The following RP1 variants were observed in gnomAD, a reference collection of about 807,000 sequenced individuals.
RP1 encodes oxygen-regulated protein 1.
Under a neutral mutation model 14.8 loss-of-function variants are expected in RP1, and 16 were observed. That is an observed-to-expected ratio of 1.08 (90% CI 0.73 to 1.65). The LOEUF is 1.65. Among genes scored for constraint, RP1 ranks in the 40% most tolerant of loss-of-function variants. The pLI, the probability that RP1 is intolerant of heterozygous loss-of-function variation, is 0.00. For missense variants in RP1, 2,631 were observed against 2,535.0 expected (o/e 1.04, Z -0.81); for synonymous variants, 876 against 883.6 (o/e 0.99, Z 0.15).
At chr8:54,835,185 A>T (rs906599806) in intron 24 of RP1, among the ~76,000 whole-genome samples, 1 of 152,152 alleles carries the variant, frequency 6.6e-6, no homozygotes, top group Non-Finnish European at 1.5e-5. Context: ...ATTTCTAGGC[A>T]TATTACATTT....
chr8:54,748,857 T>A (rs1274357557), intron 19 of RP1, among the ~76,000 whole-genome samples: 1 of 152,210 alleles, frequency 6.6e-6, no homozygotes, highest in Non-Finnish European at 1.5e-5. Context: ...TTTTTTGTTT[T>A]ATAGAACAAA....
At chr8:54,837,784 T>A in intron 25 of RP1, 4 of 518,706 alleles carry the variant, frequency 7.7e-6, no homozygotes, top group Non-Finnish European at 1.2e-5. Flanking sequence ...TATCTCACAC[T>A]TCGTGGGCTA....
At position 54,629,843 on chromosome 8, in the gene RP1, T is replaced by C; in HGVS notation, c.5961T>C (p.Asp1987=). The change falls in exon 4 of 4, where the codon GAT becomes GAC. Residue 1987 remains aspartate, a synonymous_variant. Transcript: ENST00000220676. ...ATCTTATTGATAATGCCATTGGTGA[T>C]ATATTTGATCAGTTTTATTTCAGTA... ...RQNLIDNAIG[D]IFDQFYFSNT... 1.9e-6 allele frequency: 3 copies of C among 1,613,626 alleles called. No homozygotes were observed. The South Asian group carries it at 3.3e-5, about 18-fold the overall frequency.
At chr8:54,828,647 A>C (rs547785014) in intron 24 of RP1, among the ~76,000 whole-genome samples, 1 of 152,066 alleles carries the variant, frequency 6.6e-6, no homozygotes, top group Non-Finnish European at 1.5e-5. Flanking sequence ...CTTTATAACA[A>C]CACCAACAGA....
intron 12 of RP1, among the ~76,000 whole-genome samples, chr8:54,684,221 T>G (rs1290531973): frequency 6.6e-6 from 1 of 152,174 alleles, no homozygotes; most frequent in Non-Finnish European, 1.5e-5. Context: ...GCCAGGATTT[T>G]ATTGACGATT....
intron 24 of RP1, among the ~76,000 whole-genome samples, chr8:54,789,248 G>T (rs554846643): frequency 2.0e-5 from 3 of 152,168 alleles, no homozygotes; most frequent in Non-Finnish European, 2.9e-5. Context: ...GCCTAACCAT[G>T]GAGCAAAACT....
At chr8:54,754,356 A>G (rs146335791) in intron 19 of RP1, among the ~76,000 whole-genome samples, 3 of 151,896 alleles carry the variant, frequency 2.0e-5, no homozygotes, top group Non-Finnish European at 4.4e-5. Flanking sequence ...TTTTTAAATC[A>G]CTACCACAGG....
At chr8:54,580,396 T>C (rs1026458846) in intron 1 of RP1, among the ~76,000 whole-genome samples, 3 of 140,506 alleles carry the variant, frequency 2.1e-5, no homozygotes, top group Non-Finnish European at 3.0e-5. Flanking sequence ...AATCTCTGCC[T>C]CCTGGGTTCA....
chr8:54,581,954 C>G (rs1366609846), intron 1 of RP1, among the ~76,000 whole-genome samples: 1 of 152,102 alleles, frequency 6.6e-6, no homozygotes. Flanking sequence ...CTGTAGGTTG[C>G]CTGTTCACTC....
At chr8:54,810,594 C>G (rs1276367257) in intron 24 of RP1, among the ~76,000 whole-genome samples, 1 of 152,176 alleles carries the variant, frequency 6.6e-6, no homozygotes, top group Non-Finnish European at 1.5e-5. Context: ...TGTTCCCAAG[C>G]AAGTTCCACC....
chr8:54,704,280 G>A (rs1808097866), intron 14 of RP1, among the ~76,000 whole-genome samples: 1 of 152,096 alleles, frequency 6.6e-6, no homozygotes, highest in South Asian at 2.1e-4. Context: ...GCCATTATAG[G>A]GTTATTGATT....
intron 1 of RP1, among the ~76,000 whole-genome samples, chr8:54,578,232 C>A (rs536728146): frequency 1.3e-5 from 2 of 151,900 alleles, no homozygotes; most frequent in Non-Finnish European, 2.9e-5. Flanking sequence ...TTAGGGACAG[C>A]GTCTCATTCT....
chr8:54,673,787 T>C, intron 7 of RP1: 1 of 1,319,926 alleles, frequency 7.6e-7, no homozygotes, highest in Non-Finnish European at 1.0e-6. Flanking sequence ...CATCTTAATT[T>C]ATACTATTGG....
At chr8:54,867,146 G>A (rs1386850249) in intron 28 of RP1, among the ~76,000 whole-genome samples, 2 of 152,142 alleles carry the variant, frequency 1.3e-5, no homozygotes, top group Non-Finnish European at 2.9e-5. Flanking sequence ...CCTAAAGTGA[G>A]GGACACTCTT....
At position 54,708,201 on chromosome 8, in the gene RP1, T is replaced by C. The variant is rs143739462; in HGVS notation, c.2211+1546T>C. Among the ~76,000 whole-genome samples, 476 of 152,184 alleles carry C rather than the reference T, an allele frequency of 3.1e-3. 4 individuals are homozygous for C. The highest frequency in any genetic ancestry group is 0.011 in the African/African-American group (455 of 41,510). On this transcript the variant is annotated intron_variant, in intron 15 of 22. Transcript: ENST00000636932. ...TGTGTTTGGAAGTTGCTGGGCAGAG[T>C]TTCTAGAGGCACAGGTAAGTGTCAC...
intron 1 of RP1, among the ~76,000 whole-genome samples, chr8:54,585,729 C>A (rs948647323): frequency 6.6e-6 from 1 of 152,142 alleles, no homozygotes. Flanking sequence ...CTTCTCTTCT[C>A]ACTTCATTTC....
At chr8:54,575,930 A>G (rs1804630910) in intron 1 of RP1, among the ~76,000 whole-genome samples, 1 of 152,172 alleles carries the variant, frequency 6.6e-6, no homozygotes, top group South Asian at 2.1e-4. Flanking sequence ...GTGAGCAGAG[A>G]GAAGGCAGGT....
intron 5 of RP1, among the ~76,000 whole-genome samples, chr8:54,654,047 T>C (rs900492020): frequency 6.6e-6 from 1 of 152,212 alleles, no homozygotes; most frequent in African/African-American, 2.4e-5. Context: ...TGGCAAGTAT[T>C]CTCTCACTGC....
At chr8:54,789,534 C>T (rs932336739) in intron 24 of RP1, among the ~76,000 whole-genome samples, 4 of 152,108 alleles carry the variant, frequency 2.6e-5, no homozygotes, top group African/African-American at 9.7e-5. Flanking sequence ...AACCTGTGTC[C>T]CTGCCTGACC....
Sources: allele counts gnomAD v4.1 joint callset (sites outside exome capture counted in the v4.1 genomes callset), GRCh38; gene constraint gnomAD v4.1.1; transcripts MANE v1.5; gene names NCBI Gene and HGNC (gene_info 2026-07-23, HGNC 2026-07-21).